RASGRP3: variants seen among roughly 807,000 people sequenced by gnomAD.
RASGRP3 encodes RAS guanyl releasing protein 3.
Under a neutral mutation model 82.7 loss-of-function variants are expected in RASGRP3, and 54 were observed. The observed-to-expected ratio is 0.65, with a 90% CI of 0.52 to 0.82. The LOEUF is 0.82. Ranked by LOEUF, RASGRP3 falls within the 40% of genes least tolerant of loss-of-function variation. The probability of loss-of-function intolerance (pLI) is 0.00; values close to 1 mark genes in which losing one functional copy is unlikely to be tolerated. For synonymous variants in RASGRP3, 309 were observed against 300.5 expected, an observed-to-expected ratio of 1.03 and a Z score of -0.29; for missense variants, 861 against 828.9, an observed-to-expected ratio of 1.04 and a Z score of -0.48.
intron 15 of RASGRP3, 130 bp downstream of exon 15, chr2:33,555,697 A>G (rs1368318029): frequency 7.8e-6 from 6 of 766,062 alleles, no homozygotes. Flanking sequence ...ACGGCAACTG[A>G]GAATGATTGC....
At chr2:33,522,970 C>T (rs1672174878) in intron 7 of RASGRP3, among the ~76,000 whole-genome samples, 1 of 152,228 alleles carries the variant, frequency 6.6e-6, no homozygotes, top group Non-Finnish European at 1.5e-5. Flanking sequence ...TATTTTTTGA[C>T]ATCCATGCTA....
At chr2:33,543,168 G>A (rs754933665) in intron 12 of RASGRP3, among the ~76,000 whole-genome samples, 26 of 152,018 alleles carry the variant, frequency 1.7e-4, no homozygotes, top group Non-Finnish European at 2.8e-4. Context: ...ATGCACCACC[G>A]TGCCCAGCTA....
intron 1 of RASGRP3, among the ~76,000 whole-genome samples, chr2:33,495,178 G>A (rs537388881): frequency 7.2e-5 from 11 of 152,318 alleles, no homozygotes; most frequent in Middle Eastern, 3.4e-3. Context: ...GGGCTTGTAA[G>A]TGCAGATGTC....
intron 13 of RASGRP3, among the ~76,000 whole-genome samples, chr2:33,549,359 T>C (rs1675150129): frequency 6.6e-6 from 1 of 152,090 alleles, no homozygotes; most frequent in East Asian, 1.9e-4. Flanking sequence ...TACATGAATA[T>C]GCTCCTGCAC....
intron 14 of RASGRP3, 87 bp downstream of exon 14, chr2:33,549,838 TTCA>T: frequency 7.1e-7 from 1 of 1,415,978 alleles, no homozygotes; most frequent in Non-Finnish European, 9.5e-7. Context: ...CTAAATAAAG[TTCA>T]CTGTCTGCTT....
chr2:33,527,479 G>A, intron 10 of RASGRP3, 67 bp downstream of exon 10: 1 of 1,458,922 alleles, frequency 6.9e-7, no homozygotes, highest in South Asian at 1.3e-5. Context: ...GGAGACACAG[G>A]AAGATGTGTG....
chr2:33,527,854 C>A (rs1308097959), intron 10 of RASGRP3, among the ~76,000 whole-genome samples: 1 of 152,206 alleles, frequency 6.6e-6, no homozygotes, highest in Non-Finnish European at 1.5e-5. Context: ...ATGAACCTCC[C>A]AAACCTCCAG....
chr2:33,463,039 C>G (rs1163228017), intron 2 of RASGRP3, among the ~76,000 whole-genome samples: 1 of 152,080 alleles, frequency 6.6e-6, no homozygotes, highest in African/African-American at 2.4e-5. Flanking sequence ...TTCAGAAGAT[C>G]TAGATTCAGA....
At position 33,515,060 on chromosome 2, in the gene RASGRP3, G is replaced by A. The variant is rs1439468299; in HGVS notation, c.-77G>A. ...CAGGTCACCACTAGGCACTAACATC[G>A]CTGACTTGCATGATTATGGAGATGG... On this transcript the variant is annotated 5_prime_UTR_variant, in exon 3 of 18. Transcript: ENST00000403687. The A allele has an allele frequency of 1.0e-5, 14 of 1,389,168 alleles. No individual in the cohort carries two copies. Among genetic ancestry groups the A allele is most frequent in the South Asian group, 3.5e-5 (3 of 86,278 alleles). The allele number at this position is 1,389,168 out of a possible 1,614,324, so 86.1% of individuals were successfully genotyped here.
At chr2:33,532,345 A>G (rs553118632) in intron 10 of RASGRP3, 2 of 152,192 alleles carry the variant, frequency 1.3e-5, no homozygotes, top group Non-Finnish European at 2.9e-5. Flanking sequence ...GTTCATCACA[A>G]ACCGCACCTC....
In RASGRP3 at chr2:33,564,545, G is replaced by A. The variant is rs559686019; in HGVS notation, c.*1808G>A. On this transcript the variant is annotated 3_prime_UTR_variant, in exon 18 of 18. Coordinates refer to ENST00000403687, the MANE Select transcript of RASGRP3 (RefSeq NM_001139488.2). Reference sequence around the variant, plus strand: ...AGCTTTTTGTGTGTTTAAAAAAATTGAAGAAAATTCAGGAAGAAACGTGTT... The same window carrying A: ...AGCTTTTTGTGTGTTTAAAAAAATTAAAGAAAATTCAGGAAGAAACGTGTT... The A allele has an allele frequency of 7.9e-5, 12 of 152,256 alleles. No homozygotes were observed. Among genetic ancestry groups the A allele is most frequent in the African/African-American group, 2.9e-4 (12 of 41,548 alleles). The allele number at this position is 152,256 out of a possible 1,614,324, so 9.4% of individuals were successfully genotyped here.
intron 17 of RASGRP3, among the ~76,000 whole-genome samples, chr2:33,562,306 C>T (rs1449857313): frequency 7.0e-6 from 1 of 143,606 alleles, no homozygotes; most frequent in African/African-American, 2.6e-5. Context: ...ATCTCACTGT[C>T]CCCCTGGCAG....
intron 2 of RASGRP3, among the ~76,000 whole-genome samples, chr2:33,471,374 G>C (rs958625271): frequency 1.1e-4 from 15 of 139,238 alleles, no homozygotes; most frequent in African/African-American, 3.7e-4. Context: ...TAGAGATGGA[G>C]TCTCGCTATG....
Position 33,563,695 on chromosome 2 carries a change from C to G in RASGRP3, c.*958C>G, listed in dbSNP as rs1207103862. Reference sequence around the variant, plus strand: ...ATAATTTTGTGAAAAAAAAAACCACCACCAAACTTTTGGTTGTAAAAGAGA... The same window carrying G: ...ATAATTTTGTGAAAAAAAAAACCACGACCAAACTTTTGGTTGTAAAAGAGA... On this transcript the variant is annotated 3_prime_UTR_variant, in exon 18 of 18. Transcript: ENST00000403687. The G allele has an allele frequency of 6.6e-6, 1 of 151,814 alleles. No individual in the cohort carries two copies. Among genetic ancestry groups the G allele is most frequent in the East Asian group, 1.9e-4 (1 of 5,196 alleles). 9.4% of individuals were successfully genotyped at this position (151,814 alleles called of 1,614,324 possible). A position where few individuals can be genotyped will look rare whatever the true frequency, so the allele number is the denominator to read the frequency against.
chr2:33,469,591 C>G (rs1347811172), intron 2 of RASGRP3, among the ~76,000 whole-genome samples: 3 of 151,940 alleles, frequency 2.0e-5, no homozygotes, highest in Non-Finnish European at 2.9e-5. Context: ...TCCCTAGTAG[C>G]TGAGACTACA....
intron 1 of RASGRP3, among the ~76,000 whole-genome samples, chr2:33,488,518 A>G (rs1484502096): frequency 6.6e-6 from 1 of 152,238 alleles, no homozygotes; most frequent in Non-Finnish European, 1.5e-5. Context: ...AAATGCTCTC[A>G]CAAAAAAAGA....
chr2:33,480,378 C>G (rs1308335258), intron 1 of RASGRP3, among the ~76,000 whole-genome samples: 7 of 152,264 alleles, frequency 4.6e-5, no homozygotes, highest in Admixed American at 2.6e-4. Flanking sequence ...TTAATTCCAC[C>G]TGCCTGCTGC....
intron 2 of RASGRP3, among the ~76,000 whole-genome samples, chr2:33,467,978 CTTTTTCTTTCTTTCTTTCTTTCTT>C (rs780288248): frequency 4.8e-4 from 67 of 140,920 alleles, no homozygotes; most frequent in South Asian, 4.2e-3. Context: ...GATGGTGAGG[CTTTTTCTTTCTTTCTTTCTTTCTT>C]TCTTTCTTTC....
intron 5 of RASGRP3, among the ~76,000 whole-genome samples, 153 bp downstream of exon 5, chr2:33,520,167 G>A (rs527260981): frequency 7.2e-5 from 11 of 152,114 alleles, no homozygotes; most frequent in African/African-American, 2.4e-4. Context: ...CCTCTGTTGG[G>A]TGGGGTGGGG....
Sources: allele counts gnomAD v4.1 joint callset (sites outside exome capture counted in the v4.1 genomes callset), GRCh38; gene constraint gnomAD v4.1.1; transcripts MANE v1.5; gene names NCBI Gene and HGNC (gene_info 2026-07-23, HGNC 2026-07-21).